Variants in PPP2R2C observed in about 807,000 individuals in gnomAD.
The protein encoded by PPP2R2C is protein phosphatase 2, regulatory subunit B, gamma.
PPP2R2C carries 10 observed loss-of-function variants against 45.3 expected under a neutral mutation model. The ratio of observed to expected loss-of-function variants is 0.22; its 90% confidence interval spans 0.14 to 0.37. PPP2R2C has a LOEUF of 0.37. PPP2R2C is among the 10% of genes least tolerant of loss of function. The pLI is 1.00. For synonymous variants in PPP2R2C, 257 were observed against 245.4 expected (o/e 1.05, Z -0.44); for missense variants, 308 against 619.7 (o/e 0.50, Z 5.34).
Position 6,330,189 on chromosome 4 carries a change from G to A in PPP2R2C, c.961-836C>T, listed in dbSNP as rs528240715. ...CTACAAGCCCTGTACCCGGAGGGCC[G>A]CATGAGTGCCAGCCCTCTGCTGAGG... On this transcript the variant is annotated intron_variant, in intron 7 of 8. Transcript: ENST00000382599. This position sits in a 1 kb window ranked among gnomAD's most constrained non-coding sequence, Gnocchi z 7.0. Among the ~76,000 whole-genome samples the A allele has an allele frequency of 1.6e-4, 24 of 152,258 alleles. No homozygotes were observed. The South Asian group carries it at 3.7e-3, about 24-fold the overall frequency.
At chr4:6,414,174 T>C (rs2109375997) in intron 1 of PPP2R2C, 1 of 960,266 alleles carries the variant, frequency 1.0e-6, no homozygotes, top group Non-Finnish European at 1.4e-6. Flanking sequence ...TATGCCTTTT[T>C]CCTCCTCCTG....
intron 5 of PPP2R2C, among the ~76,000 whole-genome samples, chr4:6,372,110 C>T (rs1714878227): frequency 6.6e-6 from 1 of 152,226 alleles, no homozygotes; most frequent in Non-Finnish European, 1.5e-5. Flanking sequence ...GGCCCCAGTG[C>T]TGGTCCTCCT....
chr4:6,400,729 G>C (rs1358940883), intron 1 of PPP2R2C, among the ~76,000 whole-genome samples: 1 of 152,224 alleles, frequency 6.6e-6, no homozygotes, highest in African/African-American at 2.4e-5. Flanking sequence ...CATGTTCTAA[G>C]GCTTATGCCA....
rs778166439 is a variant in PPP2R2C at position 6,378,408 on chromosome 4, G to A, written c.333C>T (p.Asn111=). 6.2e-5 allele frequency: 100 copies of A among 1,614,032 alleles called. No individual in the cohort carries two copies. The highest frequency in any genetic ancestry group is 8.0e-5 in the African/African-American group (6 of 74,934). ...AAGCGAGGCCGGGCAGCGCCTCACCGTTGGTGGACAGGAGTGAGTGGGCGG... is the reference window on the plus strand; with the variant it reads ...AAGCGAGGCCGGGCAGCGCCTCACCATTGGTGGACAGGAGTGAGTGGGCGG... ...QNAAHSLLST[N]DKTIKLWKIT... The change falls in exon 3 of 9, where the codon AAC becomes AAT. Residue 111 remains asparagine (N), a splice_region_variant and synonymous_variant. Transcript: ENST00000382599. The surrounding 1 kb of genome is among the most constrained non-coding windows in gnomAD (Gnocchi z 5.2).
At chr4:6,533,845 C>T (rs562279181) in intron 2 of PPP2R2C, among the ~76,000 whole-genome samples, 33 of 152,160 alleles carry the variant, frequency 2.2e-4, no homozygotes, top group African/African-American at 6.0e-4. Flanking sequence ...GCAGGCTGCT[C>T]GGTGAAAAGG....
chr4:6,384,427 AT>A (rs1223636481), intron 1 of PPP2R2C: 6 of 984,582 alleles, frequency 6.1e-6, no homozygotes, highest in Non-Finnish European at 7.2e-6. Flanking sequence ...ACAAAATAAT[AT>A]TTCCTCCTCT....
intron 1 of PPP2R2C, chr4:6,414,048 G>A: frequency 1.3e-6 from 2 of 1,505,276 alleles, no homozygotes; most frequent in Non-Finnish European, 1.8e-6. Flanking sequence ...AATTATGCAT[G>A]GGACAGTAAC....
In PPP2R2C at chr4:6,331,074, G is replaced by A. The variant is rs1393830715; in HGVS notation, c.961-1721C>T. Among the ~76,000 whole-genome samples, 1 of 152,162 alleles carries A rather than the reference G, an allele frequency of 6.6e-6. No homozygotes were observed. The highest frequency in any genetic ancestry group is 2.4e-5 in the African/African-American group (1 of 41,420). ...AGTATGTGTAACAACTAAAATCAAGGGGGATGAATGGCAGCAGGTTTTAGT... is the reference window on the plus strand; with the variant it reads ...AGTATGTGTAACAACTAAAATCAAGAGGGATGAATGGCAGCAGGTTTTAGT... On this transcript the variant is annotated intron_variant, in intron 7 of 8. Transcript: ENST00000382599. This position sits in a 1 kb window ranked among gnomAD's most constrained non-coding sequence, Gnocchi z 5.9.
upstream of PPP2R2C, among the ~76,000 whole-genome samples, chr4:6,563,755 G>C (rs952035377): frequency 1.6e-3 from 237 of 145,020 alleles, 2 homozygotes; most frequent in Non-Finnish European, 3.0e-3. The surrounding 1 kb of genome is among the most constrained non-coding windows in gnomAD (Gnocchi z 5.8). Flanking sequence ...GGCCATGGGC[G>C]GCTCCGCAGG....
intron 2 of PPP2R2C, among the ~76,000 whole-genome samples, chr4:6,512,377 G>A (rs56862731): frequency 0.016 from 1,644 of 105,086 alleles, 6 homozygotes; most frequent in African/African-American, 0.071. Context: ...GGTGGTGGTG[G>A]TGGTGGTGGT....
At chr4:6,562,667 T>C (rs115365678) in intron 1 of PPP2R2C, among the ~76,000 whole-genome samples, 1,769 of 152,250 alleles carry the variant, frequency 0.012, 25 homozygotes, top group African/African-American at 0.039. Flanking sequence ...GCCTCTTCTT[T>C]TATCTCTGCC....
chr4:6,480,054 T>A (rs4331842), intron 2 of PPP2R2C, among the ~76,000 whole-genome samples: 1 of 151,792 alleles, frequency 6.6e-6, no homozygotes, highest in Non-Finnish European at 1.5e-5. Context: ...CACAGAGATA[T>A]GGCTGAAGTT....
intron 1 of PPP2R2C, among the ~76,000 whole-genome samples, chr4:6,554,602 G>A (rs1199944561): frequency 1.3e-5 from 2 of 152,132 alleles, no homozygotes; most frequent in African/African-American, 4.8e-5. Context: ...GCTCACACCT[G>A]CAATCCCAGC....
intron 2 of PPP2R2C, among the ~76,000 whole-genome samples, chr4:6,515,953 A>G (rs1429820524): frequency 6.6e-6 from 1 of 152,190 alleles, no homozygotes; most frequent in Non-Finnish European, 1.5e-5. Context: ...TGTCCTCACA[A>G]GGAGTTCTCC....
chr4:6,369,499 T>A (rs958873079), intron 5 of PPP2R2C, among the ~76,000 whole-genome samples: 3 of 152,220 alleles, frequency 2.0e-5, no homozygotes, highest in Admixed American at 6.5e-5. Flanking sequence ...CAATTTTTTT[T>A]AAATGGGAAA....
chr4:6,407,909 G>A (rs1270977232), intron 1 of PPP2R2C, among the ~76,000 whole-genome samples: 1 of 152,238 alleles, frequency 6.6e-6, no homozygotes, highest in Non-Finnish European at 1.5e-5. Context: ...TCTGAGCTGG[G>A]ATGTATGGTA....
chr4:6,546,726 G>A (rs949368731), intron 1 of PPP2R2C, among the ~76,000 whole-genome samples: 6 of 152,246 alleles, frequency 3.9e-5, no homozygotes, highest in Non-Finnish European at 7.3e-5. Flanking sequence ...GAAGCCCTCA[G>A]GAGCTCCCGG....
intron 1 of PPP2R2C, among the ~76,000 whole-genome samples, chr4:6,423,434 C>T (rs1738138528): frequency 6.6e-6 from 1 of 152,174 alleles, no homozygotes; most frequent in Non-Finnish European, 1.5e-5. Context: ...GAACCCCTGA[C>T]CTCAAGTGAT....
chr4:6,352,207 C>T (rs1712628230), intron 5 of PPP2R2C, among the ~76,000 whole-genome samples: 1 of 151,980 alleles, frequency 6.6e-6, no homozygotes, highest in Non-Finnish European at 1.5e-5. Flanking sequence ...GGGCCCCCGG[C>T]TGGGCGTCTG....
Sources: gnomAD v4.1 joint callset for allele counts (sites outside exome capture counted in the v4.1 genomes callset) on GRCh38, gnomAD v4.1.1 for gene constraint, Gnocchi (gnomAD v3.1) non-coding constraint, MANE v1.5 for transcripts, NCBI Gene and HGNC (gene_info 2026-07-23, HGNC 2026-07-21) for gene names.